The following RFWD3 variants were observed in gnomAD, a reference collection of about 807,000 sequenced individuals.
RFWD3 encodes ring finger and WD repeat domain 3.
RFWD3 carries 65 observed loss-of-function variants against 87.7 expected under a neutral mutation model. That is an observed-to-expected ratio of 0.74 (90% confidence interval 0.61 to 0.91). The LOEUF (loss-of-function observed/expected upper bound fraction) is 0.91. Among genes scored for constraint, RFWD3 ranks in the 40% least tolerant of loss-of-function variants. RFWD3 has a pLI of 0.00. For missense variants in RFWD3, 1,078 were observed against 938.5 expected (o/e 1.15, Z -1.94); for synonymous variants, 433 against 352.8 (o/e 1.23, Z -2.55).
intron 12 of RFWD3, among the ~76,000 whole-genome samples, chr16:74,624,552 C>A (rs545103869): frequency 6.6e-5 from 10 of 152,204 alleles, no homozygotes; most frequent in Non-Finnish European, 1.3e-4. Context: ...TCCACCACCA[C>A]GCCCGGCTAA....
chr16:74,640,224 C>A (rs922962255), intron 6 of RFWD3, among the ~76,000 whole-genome samples: 1 of 151,390 alleles, frequency 6.6e-6, no homozygotes, highest in African/African-American at 2.4e-5. Context: ...CTCACTGCAA[C>A]CTCCGCCTCC....
At chr16:74,657,977 C>T (rs112457911) in intron 2 of RFWD3, among the ~76,000 whole-genome samples, 4 of 151,730 alleles carry the variant, frequency 2.6e-5, no homozygotes, top group East Asian at 1.9e-4. Flanking sequence ...AAGTGATAGA[C>T]GATTAAAAAA....
intron 6 of RFWD3, 59 bp from the exon 7 acceptor site, chr16:74,638,029 C>A: frequency 8.7e-7 from 1 of 1,145,932 alleles, no homozygotes; most frequent in Non-Finnish European, 1.3e-6. Context: ...GACTTCCCAT[C>A]CAGGTGGCAG....
chr16:74,661,393 T>C lies in RFWD3; in HGVS notation c.57A>G (p.Gln19=), dbSNP rs1016422446. ...DVQVQLNHAE[Q]QPAPAGMASS... is the part of the protein sequence containing the mutation. ...TGGCCATGCCAGCAGGAGCTGGCTG[T>C]TGTTCGGCATGATTTAACTGCACCT... is the stretch of plus-strand genomic sequence containing the variant. Residue 19 remains glutamine, a synonymous_variant, in exon 2 of 13, where the codon CAA becomes CAG. Coordinates refer to ENST00000361070, the MANE Select transcript of RFWD3 (RefSeq NM_018124.4). 15 of 1,614,042 alleles carry C rather than the reference T, an allele frequency of 9.3e-6. No individual in the cohort carries two copies. The highest frequency in any genetic ancestry group is 1.3e-5 in the Non-Finnish European group (15 of 1,179,968).
Position 74,665,628 on chromosome 16 carries a change from G to A in RFWD3, c.-3+1158C>T, listed in dbSNP as rs147863510. ...AAAACAATGAGCCGGGCGTGGTGGC[G>A]CGCACCTGTGGTCCCAGCTATTGCG... On this transcript the variant is annotated intron_variant, in intron 1 of 12. Transcript: ENST00000361070. 8.5e-5 allele frequency among the ~76,000 whole-genome samples: 13 copies of A among 152,244 alleles called. No individual in the cohort carries two copies. The East Asian group carries it at 2.1e-3, about 25-fold the overall frequency.
chr16:74,636,444 G>A lies in RFWD3; in HGVS notation c.1328C>T (p.Thr443Ile). ...CCGGCAGTTTCCTGCCTGAGATACT[G>A]TGAAGGTCTTTTGGAAGTGGTACTT... Reference protein sequence around the residue: ...KHKYHFQKTFTVSQAGNCRIM... With the variant: ...KHKYHFQKTFIVSQAGNCRIM... Residue 443 changes from threonine (T) to isoleucine (I), a missense_variant, in exon 8 of 13, where the codon ACA (threonine) becomes ATA (isoleucine). By Grantham distance (89) the Thr-to-Ile change is moderately conservative. Coordinates refer to ENST00000361070, the MANE Select transcript of RFWD3 (RefSeq NM_018124.4). 6.2e-7 allele frequency: 1 copy of A among 1,614,154 alleles called. No homozygotes were observed. The highest frequency in any genetic ancestry group is 1.1e-5 in the South Asian group (1 of 91,086).
chr16:74,653,076 T>C (rs1188529975), intron 2 of RFWD3, among the ~76,000 whole-genome samples: 3 of 152,190 alleles, frequency 2.0e-5, no homozygotes, highest in African/African-American at 7.2e-5. Flanking sequence ...CGATGACTCA[T>C]GTCTGTAATC....
At chr16:74,655,623 T>C (rs1276039821) in intron 2 of RFWD3, among the ~76,000 whole-genome samples, 1 of 116,238 alleles carries the variant, frequency 8.6e-6, no homozygotes, top group East Asian at 2.2e-4. Flanking sequence ...GTCTGTGCTC[T>C]CTCTCTTTTT....
In RFWD3 at chr16:74,630,888, A is replaced by C. The variant is rs1331180127; in HGVS notation, c.1647T>G (p.Leu549=). 1 of 1,613,950 alleles carries C rather than the reference A, an allele frequency of 6.2e-7. No homozygotes were observed. The highest frequency in any genetic ancestry group is 8.5e-7 in the Non-Finnish European group (1 of 1,179,956). The part of the protein sequence containing the change: ...GRPVWSCCWC[L]DEANYIYAGL... ...CAGCATAGATGTAGTTAGCCTCATC[A>C]AGACACCAGCAACAGCTCCAGACAG... The change falls in exon 10 of 13, where the codon CTT becomes CTG. Residue 549 remains leucine (L), a synonymous_variant. Transcript: ENST00000361070.
At chr16:74,656,106 C>G (rs570448296) in intron 2 of RFWD3, among the ~76,000 whole-genome samples, 76 of 152,022 alleles carry the variant, frequency 5.0e-4, no homozygotes, top group African/African-American at 1.7e-3. Flanking sequence ...CCTGTAATCT[C>G]AGTACTTTAA....
At chr16:74,624,965 G>T (rs1442680668) in intron 12 of RFWD3, among the ~76,000 whole-genome samples, 1 of 151,996 alleles carries the variant, frequency 6.6e-6, no homozygotes, top group Non-Finnish European at 1.5e-5. Context: ...CTCCAGCCTG[G>T]ACCGAGTAAG....
chr16:74,625,441 G>A (rs538643030), intron 12 of RFWD3, among the ~76,000 whole-genome samples: 1 of 151,486 alleles, frequency 6.6e-6, no homozygotes, highest in East Asian at 1.9e-4. Flanking sequence ...TTGAACCTGG[G>A]AGGTGGAGGT....
chr16:74,626,224 A>AGAG, intron 12 of RFWD3, 119 bp downstream of exon 12: 1 of 841,910 alleles, frequency 1.2e-6, no homozygotes. Flanking sequence ...GTGGGATTAC[A>AGAG]GAGCAGAACT....
At chr16:74,666,015 C>T (rs1031094179) in intron 1 of RFWD3, among the ~76,000 whole-genome samples, 1 of 147,364 alleles carries the variant, frequency 6.8e-6, no homozygotes, top group African/African-American at 2.4e-5. Flanking sequence ...ACCTTTTTCT[C>T]TTTATAACAG....
intron 11 of RFWD3, among the ~76,000 whole-genome samples, chr16:74,627,040 T>C (rs1958960237): frequency 6.6e-6 from 1 of 152,134 alleles, no homozygotes; most frequent in South Asian, 2.1e-4. Context: ...GATAACAAAA[T>C]AGGACCCCCA....
intron 2 of RFWD3, among the ~76,000 whole-genome samples, chr16:74,659,821 C>A (rs1961286963): frequency 6.6e-6 from 1 of 152,196 alleles, no homozygotes. Context: ...ATCCCATCAG[C>A]TTCCTCATTT....
chr16:74,641,426 G>A (rs1457814341), intron 6 of RFWD3, among the ~76,000 whole-genome samples: 2 of 151,576 alleles, frequency 1.3e-5, no homozygotes, highest in Non-Finnish European at 1.5e-5. Flanking sequence ...GCCCCTCAAA[G>A]TGCTGGGATT....
intron 2 of RFWD3, among the ~76,000 whole-genome samples, chr16:74,656,892 T>A (rs912065840): frequency 1.3e-5 from 2 of 152,208 alleles, no homozygotes; most frequent in Non-Finnish European, 2.9e-5. Flanking sequence ...AGACTTCAGT[T>A]AAGAAAGTAA....
chr16:74,635,679 T>C (rs557766337), intron 8 of RFWD3, among the ~76,000 whole-genome samples: 1 of 152,194 alleles, frequency 6.6e-6, no homozygotes, highest in Non-Finnish European at 1.5e-5. Flanking sequence ...ATCTTTTTAT[T>C]AAAAACTTAG....
Sources: allele counts gnomAD v4.1 joint callset (sites outside exome capture counted in the v4.1 genomes callset), GRCh38; gene constraint gnomAD v4.1.1; transcripts MANE v1.5; gene names NCBI Gene and HGNC (gene_info 2026-07-23, HGNC 2026-07-21).